The following OR2L13 variants were observed in gnomAD, a reference collection of about 807,000 sequenced individuals.
OR2L13 encodes the protein olfactory receptor family 2 subfamily L member 13, also known as olfactory receptor 2L13.
A neutral mutation model predicts 15.3 loss-of-function variants in OR2L13; 14 were observed. That is an observed-to-expected ratio of 0.91 (90% CI 0.60 to 1.43). The LOEUF (loss-of-function observed/expected upper bound fraction) is 1.43. Among genes scored for constraint, OR2L13 ranks in the 40% most tolerant of loss-of-function variants. OR2L13 has a pLI of 0.00. For synonymous variants in OR2L13, 152 were observed against 142.9 expected (o/e 1.06, Z -0.45); for missense variants, 367 against 387.9 (o/e 0.95, Z 0.45).
At chr1:247,976,499 A>G in the OR2L13 span, among the ~76,000 whole-genome samples, 1 of 152,220 alleles carries the variant, frequency 6.6e-6, no homozygotes, top group Non-Finnish European at 1.5e-5. Flanking sequence ...ATGGGTTTTA[A>G]GTCCTCTTAC....
the OR2L13 span, among the ~76,000 whole-genome samples, chr1:248,077,468 G>C: frequency 6.6e-6 from 1 of 152,146 alleles, no homozygotes; most frequent in African/African-American, 2.4e-5. Flanking sequence ...AATCTGTCTG[G>C]TCCTGGACTT....
At chr1:247,976,711 G>A in the OR2L13 span, among the ~76,000 whole-genome samples, 183 of 152,208 alleles carry the variant, frequency 1.2e-3, no homozygotes, top group African/African-American at 4.1e-3. Context: ...TTTTGATGAT[G>A]TCATTTTCTT....
At chr1:248,026,360 G>T in the OR2L13 span, among the ~76,000 whole-genome samples, 1 of 152,130 alleles carries the variant, frequency 6.6e-6, no homozygotes, top group Non-Finnish European at 1.5e-5. Flanking sequence ...CTCTTAGAAG[G>T]TCATTCAAAG....
At chr1:248,030,866 C>T in the OR2L13 span, among the ~76,000 whole-genome samples, 3 of 152,124 alleles carry the variant, frequency 2.0e-5, no homozygotes, top group African/African-American at 7.2e-5. Flanking sequence ...ATGCTGGTAT[C>T]ATTCCATTCA....
chr1:247,968,466 A>G, the OR2L13 span, among the ~76,000 whole-genome samples: 14 of 151,952 alleles, frequency 9.2e-5, no homozygotes, highest in African/African-American at 3.1e-4. Context: ...TTTACATTAG[A>G]TATTTCTCCT....
chr1:247,961,185 C>T, the OR2L13 span, among the ~76,000 whole-genome samples: 4 of 152,246 alleles, frequency 2.6e-5, no homozygotes, highest in South Asian at 8.3e-4. Flanking sequence ...TTGGTATACA[C>T]ACATTATGCA....
chr1:247,945,880 T>G, the OR2L13 span, among the ~76,000 whole-genome samples: 1 of 152,200 alleles, frequency 6.6e-6, no homozygotes, highest in East Asian at 1.9e-4. Context: ...ATTTTGAGTC[T>G]ATGTGCATTT....
At chr1:247,963,255 C>CGGA in the OR2L13 span, among the ~76,000 whole-genome samples, 1 of 152,134 alleles carries the variant, frequency 6.6e-6, no homozygotes, top group South Asian at 2.1e-4. Flanking sequence ...GTTCCAGGAA[C>CGGA]GGAGGGGTCC....
chr1:248,011,629 T>C, the OR2L13 span, among the ~76,000 whole-genome samples: 2 of 152,190 alleles, frequency 1.3e-5, no homozygotes, highest in African/African-American at 4.8e-5. Context: ...CCTATATTTC[T>C]TGGAGGCTAT....
At chr1:247,978,726 A>C in the OR2L13 span, among the ~76,000 whole-genome samples, 11 of 152,274 alleles carry the variant, frequency 7.2e-5, no homozygotes, top group East Asian at 1.2e-3. Context: ...CTTCCAGAGC[A>C]TTCTCAGGGA....
the OR2L13 span, among the ~76,000 whole-genome samples, chr1:248,033,893 G>A: frequency 2.0e-5 from 3 of 152,260 alleles, no homozygotes; most frequent in Non-Finnish European, 4.4e-5. Flanking sequence ...CAGTCAGAAA[G>A]AGAATGAAAT....
the OR2L13 span, chr1:248,040,364 G>A: frequency 3.3e-5 from 5 of 152,248 alleles, no homozygotes; most frequent in Non-Finnish European, 7.3e-5. Context: ...CAAGTAAGAA[G>A]AGCCTCATAT....
At chr1:247,945,236 C>A in the OR2L13 span, among the ~76,000 whole-genome samples, 2 of 152,062 alleles carry the variant, frequency 1.3e-5, no homozygotes, top group Non-Finnish European at 2.9e-5. Flanking sequence ...CAAAGAACTT[C>A]TTGATTTCTG....
chr1:247,968,170 CTT>C, the OR2L13 span, among the ~76,000 whole-genome samples: 1 of 151,828 alleles, frequency 6.6e-6, no homozygotes, highest in African/African-American at 2.4e-5. Flanking sequence ...TAATAATAAA[CTT>C]TATAATATAA....
the OR2L13 span, among the ~76,000 whole-genome samples, chr1:247,989,577 C>A: frequency 1.3e-5 from 2 of 152,044 alleles, no homozygotes; most frequent in African/African-American, 4.8e-5. Flanking sequence ...ATAAATATTT[C>A]TCTCACAAAA....
the OR2L13 span, among the ~76,000 whole-genome samples, chr1:247,955,616 T>C: frequency 6.7e-6 from 1 of 148,164 alleles, no homozygotes; most frequent in Non-Finnish European, 1.5e-5. Flanking sequence ...ACCTGTTGTT[T>C]CCTGACTTTT....
chr1:248,034,400 A>G, the OR2L13 span, among the ~76,000 whole-genome samples: 2 of 151,852 alleles, frequency 1.3e-5, no homozygotes, highest in African/African-American at 4.9e-5. Context: ...ATCAGAAAGT[A>G]TCAGTTTTTC....
chr1:247,941,883 C>A, the OR2L13 span, among the ~76,000 whole-genome samples: 3 of 152,120 alleles, frequency 2.0e-5, no homozygotes, highest in Admixed American at 6.6e-5. Flanking sequence ...TGGCATGGAG[C>A]CTTCCTAGTG....
the OR2L13 span, among the ~76,000 whole-genome samples, chr1:248,089,897 A>G: frequency 6.6e-6 from 1 of 152,104 alleles, no homozygotes; most frequent in Non-Finnish European, 1.5e-5. Context: ...TCCTTAACCA[A>G]TCACAAATCA....
Sources: allele counts gnomAD v4.1 joint callset (sites outside exome capture counted in the v4.1 genomes callset), GRCh38; gene constraint gnomAD v4.1.1; transcripts MANE v1.5; gene names NCBI Gene and HGNC (gene_info 2026-07-23, HGNC 2026-07-21).